METTL25: variants seen among roughly 807,000 people sequenced by gnomAD.
METTL25 encodes methyltransferase like 25.
METTL25 carries 64 observed loss-of-function variants against 71.6 expected under a neutral mutation model. The ratio of observed to expected loss-of-function variants is 0.89; its 90% CI spans 0.73 to 1.10. The LOEUF (loss-of-function observed/expected upper bound fraction) is 1.10, where lower values mean the gene tolerates loss of function less well. Among genes scored for constraint, METTL25 ranks in the 50% least tolerant of loss-of-function variants. The pLI is 0.00. For synonymous variants in METTL25, 287 were observed against 250.3 expected, an observed-to-expected ratio of 1.15 and a Z score of -1.38; for missense variants, 807 against 707.0, an observed-to-expected ratio of 1.14 and a Z score of -1.60.
chr12:82,370,825 G>A (rs1652649721), intron 1 of METTL25, among the ~76,000 whole-genome samples: 1 of 149,982 alleles, frequency 6.7e-6, no homozygotes, highest in African/African-American at 2.5e-5. Flanking sequence ...TTTCCTTTCT[G>A]CTGGCCTTTC....
At chr12:82,398,315 C>T (rs993706623) in intron 3 of METTL25, among the ~76,000 whole-genome samples, 1 of 151,346 alleles carries the variant, frequency 6.6e-6, no homozygotes, top group Non-Finnish European at 1.5e-5. Context: ...AACTCTTGGC[C>T]TCAAGCAGTC....
intron 9 of METTL25, among the ~76,000 whole-genome samples, chr12:82,474,079 A>T (rs897899347): frequency 6.6e-6 from 1 of 152,120 alleles, no homozygotes; most frequent in Non-Finnish European, 1.5e-5. Context: ...AATCTGGGAC[A>T]ATGCAGCTGT....
At chr12:82,403,249 A>G in intron 5 of METTL25, 119 bp downstream of exon 5, 2 of 936,122 alleles carry the variant, frequency 2.1e-6, no homozygotes, top group Non-Finnish European at 3.2e-6. Context: ...AGCATTTAAG[A>G]TAACATCTGA....
chr12:82,444,300 C>T (rs916202421), intron 8 of METTL25, among the ~76,000 whole-genome samples: 1 of 152,012 alleles, frequency 6.6e-6, no homozygotes, highest in African/African-American at 2.4e-5. Flanking sequence ...ATATGGTGGC[C>T]AGCAAAGCTA....
intron 9 of METTL25, among the ~76,000 whole-genome samples, chr12:82,473,633 C>T (rs962318552): frequency 6.6e-5 from 10 of 152,212 alleles, no homozygotes; most frequent in Admixed American, 6.5e-4. Flanking sequence ...TGCAGCACCA[C>T]AGGGCTGTTT....
chr12:82,441,215 C>T (rs956977625), intron 8 of METTL25, among the ~76,000 whole-genome samples: 3 of 151,884 alleles, frequency 2.0e-5, no homozygotes, highest in Admixed American at 1.3e-4. Flanking sequence ...ATTATTGCTT[C>T]TGCTAGCTGC....
intron 1 of METTL25, among the ~76,000 whole-genome samples, chr12:82,370,851 C>T (rs780285148): frequency 3.7e-4 from 56 of 152,052 alleles, no homozygotes; most frequent in Non-Finnish European, 6.2e-4. Context: ...CTCTGCCAGC[C>T]GCTTATGCTG....
chr12:82,368,950 C>A (rs1374132441), intron 1 of METTL25, among the ~76,000 whole-genome samples: 2 of 152,178 alleles, frequency 1.3e-5, no homozygotes, highest in Non-Finnish European at 2.9e-5. Context: ...TCAGCCAAAG[C>A]AGAAGGGAAG....
chr12:82,476,556 G>A (rs1212682113), intron 9 of METTL25, 88 bp from the exon 10 acceptor site: 1 of 833,890 alleles, frequency 1.2e-6, no homozygotes, highest in Non-Finnish European at 2.0e-6. Flanking sequence ...TTAAATTGAT[G>A]TCATGTTTAT....
chr12:82,478,285 A>G (rs1046212784), intron 11 of METTL25, among the ~76,000 whole-genome samples: 1 of 151,970 alleles, frequency 6.6e-6, no homozygotes, highest in African/African-American at 2.4e-5. Flanking sequence ...CACAAAGATT[A>G]ATAGGTTGTA....
intron 8 of METTL25, among the ~76,000 whole-genome samples, chr12:82,449,055 A>G (rs1890950688): frequency 6.6e-6 from 1 of 152,210 alleles, no homozygotes; most frequent in Non-Finnish European, 1.5e-5. Context: ...ATGTTCTTAC[A>G]ATTGCATTTT....
intron 8 of METTL25, among the ~76,000 whole-genome samples, chr12:82,445,721 T>A (rs756541271): frequency 4.6e-5 from 7 of 152,214 alleles, no homozygotes; most frequent in Admixed American, 6.5e-5. Context: ...TTGATTTGCT[T>A]GATATGTACT....
rs1195718382 is a variant in METTL25, at chr12:82,403,528, TCTGAAGGAATACTGATA to T, written c.1279+399_1279+415del. Reference sequence around the variant, plus strand: ...TTTGTTTCCAAAGCCTTTTTTCATATCTGAAGGAATACTGATATTTAAAAAAGAAAAAGTTCTTTACT... The same window carrying T: ...TTTGTTTCCAAAGCCTTTTTTCATATTTTAAAAAAGAAAAAGTTCTTTACT... On this transcript the variant is annotated intron_variant, in intron 5 of 11. Coordinates refer to ENST00000248306, the MANE Select transcript of METTL25 (RefSeq NM_032230.3). Among the ~76,000 whole-genome samples the T allele has an allele frequency of 3.9e-5, 6 of 152,354 alleles. 1 individual carries two copies. In the South Asian group the frequency reaches 1.2e-3, roughly 32 times the overall value.
At chr12:82,457,900 A>G (rs576466249) in intron 9 of METTL25, among the ~76,000 whole-genome samples, 1 of 152,168 alleles carries the variant, frequency 6.6e-6, no homozygotes, top group African/African-American at 2.4e-5. Flanking sequence ...TTTAAAAAAA[A>G]TGTTTTTCAT....
Position 82,403,014 on chromosome 12 carries a change from G to T in METTL25, c.1163G>T (p.Gly388Val). The T allele has an allele frequency of 1.2e-6, 2 of 1,612,516 alleles. No homozygotes were observed. The highest frequency in any genetic ancestry group is 1.7e-6 in the Non-Finnish European group (2 of 1,179,050). Residue 388 changes from glycine (G) to valine (V), a missense_variant, in exon 5 of 12, where the codon GGT (glycine) becomes GTT (valine). Gly to Val is a moderately radical substitution (Grantham distance 109). Transcript: ENST00000248306. ...DCLMVGLHTC[G>V]DLAPNTLRIF... ...TTGATGGTGGGTCTCCACACTTGTG[G>T]TGATCTGGCTCCAAATACTTTGCGA...
At chr12:82,448,921 CTGA>C (rs1259252439) in intron 8 of METTL25, among the ~76,000 whole-genome samples, 5 of 152,072 alleles carry the variant, frequency 3.3e-5, no homozygotes, top group African/African-American at 1.2e-4. Context: ...TATGGAGAAA[CTGA>C]ATTTTGGTAC....
intron 3 of METTL25, among the ~76,000 whole-genome samples, chr12:82,396,331 A>C (rs1886081618): frequency 6.6e-6 from 1 of 152,034 alleles, no homozygotes; most frequent in Non-Finnish European, 1.5e-5. Context: ...AATAATTACT[A>C]AGTTTATTTT....
intron 9 of METTL25, among the ~76,000 whole-genome samples, chr12:82,467,502 GA>G (rs1209556208): frequency 6.6e-6 from 1 of 152,060 alleles, no homozygotes; most frequent in African/African-American, 2.4e-5. Flanking sequence ...TGTGATCTGT[GA>G]AATATTTTCT....
rs1426707802 is a variant in METTL25, at chr12:82,438,735, C to T, written c.1422C>T (p.Leu474=). The T allele has an allele frequency of 6.5e-7, 1 of 1,529,282 alleles. No individual in the cohort carries two copies. Among genetic ancestry groups the T allele is most frequent in the Non-Finnish European group, 8.8e-7 (1 of 1,132,880 alleles). 94.7% of individuals were successfully genotyped at this position (1,529,282 alleles called of 1,614,324 possible). A position where few individuals can be genotyped will look rare whatever the true frequency, so the allele number is the denominator to read the frequency against. ...TTTTTCAGCTGCCTACTGAATCACT[C>T]TTCTATCGTGCTGTTCTTCAGGATA... is the stretch of plus-strand genomic sequence containing the variant. ...AAGQGLPTES[L]FYRAVLQDII... Residue 474 remains leucine (L), a synonymous_variant, in exon 8 of 12, where the codon CTC becomes CTT. Transcript: ENST00000248306.
Sources: allele counts gnomAD v4.1 joint callset (sites outside exome capture counted in the v4.1 genomes callset), GRCh38; gene constraint gnomAD v4.1.1; transcripts MANE v1.5; gene names NCBI Gene and HGNC (gene_info 2026-07-23, HGNC 2026-07-21).